Variants in FSTL5 observed in about 807,000 individuals in gnomAD.
FSTL5 encodes the protein follistatin like 5.
FSTL5 carries 62 observed loss-of-function variants against 89.1 expected under a neutral mutation model. That is an observed-to-expected ratio of 0.70 (90% confidence interval 0.57 to 0.86). The LOEUF is 0.86. Ranked by LOEUF, FSTL5 falls within the 40% of genes least tolerant of loss-of-function variation. The pLI is 0.00. For missense variants in FSTL5, 1,057 were observed against 1,001.6 expected, an observed-to-expected ratio of 1.06 and a Z score of -0.75; for synonymous variants, 383 against 346.2, an observed-to-expected ratio of 1.11 and a Z score of -1.18.
chr4:161,949,796 T>C (rs1734841556), intron 3 of FSTL5, among the ~76,000 whole-genome samples: 1 of 151,942 alleles, frequency 6.6e-6, no homozygotes, highest in African/African-American at 2.4e-5. Flanking sequence ...ACATTTACAT[T>C]TGGATTTTTA....
At chr4:161,950,434 G>C (rs2067909) in intron 3 of FSTL5, among the ~76,000 whole-genome samples, 49,490 of 152,062 alleles carry the variant, frequency 0.33, 9,789 homozygotes, top group Non-Finnish European at 0.43. Context: ...ACCTTAAAAA[G>C]ACTTAGGAAA....
At chr4:161,742,629 A>G (rs1740066089) in intron 6 of FSTL5, among the ~76,000 whole-genome samples, 1 of 152,204 alleles carries the variant, frequency 6.6e-6, no homozygotes, top group Non-Finnish European at 1.5e-5. Flanking sequence ...ACGCGCCAGA[A>G]GAGAATCCAT....
chr4:162,097,587 A>G (rs990443290), intron 2 of FSTL5, among the ~76,000 whole-genome samples: 1 of 151,896 alleles, frequency 6.6e-6, no homozygotes, highest in South Asian at 2.1e-4. Context: ...TATACTTTGT[A>G]GTATTAATAA....
intron 13 of FSTL5, among the ~76,000 whole-genome samples, chr4:161,473,367 C>T (rs775769456): frequency 1.3e-5 from 2 of 150,122 alleles, no homozygotes; most frequent in South Asian, 2.1e-4. Context: ...AATCTGCTTG[C>T]TGTATTGCTG....
At chr4:161,685,719 ACTT>A (rs1361956979) in intron 6 of FSTL5, among the ~76,000 whole-genome samples, 1 of 152,076 alleles carries the variant, frequency 6.6e-6, no homozygotes. Context: ...AGACCGTTTG[ACTT>A]CTTCTTTCCC....
intron 6 of FSTL5, among the ~76,000 whole-genome samples, chr4:161,697,705 A>T (rs1247573446): frequency 6.6e-6 from 1 of 152,202 alleles, no homozygotes; most frequent in Non-Finnish European, 1.5e-5. Flanking sequence ...GCTGTAATGT[A>T]TATGAACTTA....
At position 161,694,761 on chromosome 4, in the gene FSTL5, T is replaced by A. The variant is rs540256374; in HGVS notation, c.728-38267A>T. ...AATGTGCTATCTCTGGAAATCAGAT[T>A]TTTCTCTATTCCCAGGGATTGCTGG... On this transcript the variant is annotated intron_variant, in intron 6 of 15. Transcript: ENST00000306100. Among the ~76,000 whole-genome samples the A allele has an allele frequency of 6.6e-5, 10 of 152,000 alleles. 2 individuals are homozygous for A. The South Asian group carries it at 2.1e-3, about 31-fold the overall frequency.
In FSTL5 at chr4:161,705,970, A is replaced by G. The variant is rs1285935216; in HGVS notation, c.728-49476T>C. Among the ~76,000 whole-genome samples the G allele has an allele frequency of 1.4e-3, 106 of 77,426 alleles. 2 individuals are homozygous for G. The highest frequency in any genetic ancestry group is 4.9e-3 in the African/African-American group (87 of 17,580). The allele number at this position is 77,426 out of a possible 152,430, so 50.8% of individuals were successfully genotyped here. A position where few individuals can be genotyped will look rare whatever the true frequency, so the allele number is the denominator to read the frequency against. On this transcript the variant is annotated intron_variant, in intron 6 of 15. Coordinates refer to ENST00000306100, the MANE Select transcript of FSTL5 (RefSeq NM_020116.5). ...GATGTGTGTATATATATATATATAT[A>G]TATATATATATATATATATATATAT...
chr4:161,459,426 T>G (rs1733483099), intron 13 of FSTL5, 107 bp from the exon 14 acceptor site: 2 of 632,792 alleles, frequency 3.2e-6, no homozygotes, highest in Non-Finnish European at 5.4e-6. Flanking sequence ...AAAAATTTAA[T>G]TTGCCAAATA....
chr4:161,421,200 G>T (rs907606154), intron 15 of FSTL5, among the ~76,000 whole-genome samples: 1 of 152,044 alleles, frequency 6.6e-6, no homozygotes, highest in African/African-American at 2.4e-5. Flanking sequence ...CATTAGCCGG[G>T]CGTGGTGGTG....
intron 2 of FSTL5, chr4:162,041,743 T>C (rs1223248364): frequency 1.3e-5 from 2 of 151,984 alleles, no homozygotes; most frequent in African/African-American, 4.8e-5. Context: ...ATCAATGACA[T>C]GCACTTGACA....
At chr4:161,977,635 AAAAAAATAAT>A (rs1326627313) in intron 3 of FSTL5, among the ~76,000 whole-genome samples, 2 of 122,192 alleles carry the variant, frequency 1.6e-5, no homozygotes, top group East Asian at 2.3e-4. Flanking sequence ...AAAAAAAAAA[AAAAAAATAAT>A]AATAATAATA....
intron 6 of FSTL5, among the ~76,000 whole-genome samples, chr4:161,699,969 T>C (rs1738327698): frequency 1.3e-5 from 2 of 152,224 alleles, no homozygotes. Context: ...TCTGTTTAAG[T>C]GTTCCAGTTC....
intron 4 of FSTL5, among the ~76,000 whole-genome samples, chr4:161,797,835 A>G (rs1579100204): frequency 6.6e-6 from 1 of 151,700 alleles, no homozygotes. Flanking sequence ...AATATTATAA[A>G]TGAATTAAAA....
At chr4:161,716,902 A>G (rs72973247) in intron 6 of FSTL5, among the ~76,000 whole-genome samples, 12,085 of 151,754 alleles carry the variant, frequency 0.08, 793 homozygotes, top group African/African-American at 0.18. Flanking sequence ...CAGGGCAGAG[A>G]GGATAGAGAG....
intron 6 of FSTL5, among the ~76,000 whole-genome samples, chr4:161,727,867 G>C (rs906481781): frequency 6.6e-6 from 1 of 152,136 alleles, no homozygotes; most frequent in Non-Finnish European, 1.5e-5. Flanking sequence ...GGAGAGGAAA[G>C]GGTGTTCAAG....
intron 8 of FSTL5, among the ~76,000 whole-genome samples, chr4:161,585,095 TAA>T (rs1363470652): frequency 6.6e-6 from 1 of 151,976 alleles, no homozygotes; most frequent in Non-Finnish European, 1.5e-5. Context: ...GATCAGAGAG[TAA>T]GCAGTTCATT....
chr4:161,389,083 A>G (rs1368531711), intron 15 of FSTL5, among the ~76,000 whole-genome samples: 3 of 152,044 alleles, frequency 2.0e-5, no homozygotes, highest in African/African-American at 7.2e-5. Flanking sequence ...TGATTTATTG[A>G]TTAGGAAGTG....
At position 162,111,556 on chromosome 4, in the gene FSTL5, G is replaced by A. The variant is rs1233189714; in HGVS notation, c.-16-144C>T. On this transcript the variant is annotated intron_variant, in intron 1 of 15. Coordinates refer to ENST00000306100, the MANE Select transcript of FSTL5 (RefSeq NM_020116.5). ...AGTTGCCAAGGGAAATGAGAAGTGAGTATCTCCAAATACGGATTATTCCTT... is the reference window on the plus strand; with the variant it reads ...AGTTGCCAAGGGAAATGAGAAGTGAATATCTCCAAATACGGATTATTCCTT... 2.0e-5 allele frequency: 11 copies of A among 538,912 alleles called. No homozygotes were observed. In the East Asian group the frequency reaches 3.0e-4, roughly 15 times the overall value. The allele number at this position is 538,912 out of a possible 1,614,324, so 33.4% of individuals were successfully genotyped here.
Sources: gnomAD v4.1 joint callset for allele counts (sites outside exome capture counted in the v4.1 genomes callset) on GRCh38, gnomAD v4.1.1 for gene constraint, MANE v1.5 for transcripts, NCBI Gene and HGNC (gene_info 2026-07-23, HGNC 2026-07-21) for gene names.